Variants in ZNF318 observed in about 807,000 individuals in gnomAD.
ZNF318 encodes zinc finger protein 318.
Under a neutral mutation model 124.2 loss-of-function variants are expected in ZNF318, and 51 were observed. The ratio of observed to expected loss-of-function variants is 0.41; its 90% CI spans 0.33 to 0.52. The LOEUF is 0.52. Ranked by LOEUF, ZNF318 falls within the 20% of genes least tolerant of loss-of-function variation. ZNF318 has a pLI of 0.23. For missense variants in ZNF318, 2,815 were observed against 2,811.2 expected (o/e 1.00, Z -0.03); for synonymous variants, 1,090 against 1,040.7 (o/e 1.05, Z -0.91).
chr6:43,355,357 T>A lies in ZNF318; in HGVS notation c.1977A>T (p.Ser659=), dbSNP rs202137254. 6.4e-5 allele frequency: 103 copies of A among 1,614,002 alleles called. 1 individual carries two copies. The highest frequency in any genetic ancestry group is 2.2e-4 in the Admixed American group (13 of 59,994). Residue 659 remains serine, a synonymous_variant, in exon 4 of 10, where the codon TCA becomes TCT. Coordinates refer to ENST00000361428, the MANE Select transcript of ZNF318 (RefSeq NM_014345.3). The stretch of plus-strand genomic sequence containing the variant: ...GATCAGCTGAGAAGCAGTGGTCAAC[T>A]GAGGAACAGCGGTCAGCTGAGAAGC... ...DHRFSADRCS[S]VDHCFSADRR...
In ZNF318 at chr6:43,355,531, C is replaced by CA; in HGVS notation, c.1802dup (p.Asp602GlyfsTer8). ...GACTAATCTCTGCTACTCCAATATC[C>CA]AGCCCTATTGTCTTGAGCAAGTCAT... is the stretch of plus-strand genomic sequence containing the variant. On this transcript the variant is annotated frameshift_variant, in exon 4 of 10. Coordinates refer to ENST00000361428, the MANE Select transcript of ZNF318 (RefSeq NM_014345.3). LOFTEE classifies it high-confidence loss of function. The CA allele has an allele frequency of 6.2e-7, 1 of 1,614,198 alleles. No individual in the cohort carries two copies. Among genetic ancestry groups the CA allele is most frequent in the Non-Finnish European group, 8.5e-7 (1 of 1,180,046 alleles).
In ZNF318 at chr6:43,338,799, A is replaced by G; in HGVS notation, c.5199T>C (p.Pro1733=). ...EPGPPGVEPP[P]QLLDIQCKES... Reference sequence around the variant, plus strand: ...CTTTGCACTGTATATCTAACAGTTGAGGAGGTGGTTCTACACCAGGTGGTC... The same window carrying G: ...CTTTGCACTGTATATCTAACAGTTGGGGAGGTGGTTCTACACCAGGTGGTC... The change falls in exon 10 of 10, where the codon CCT becomes CCC. Residue 1733 remains proline (P), a synonymous_variant. Transcript: ENST00000361428. 1 of 1,614,092 alleles carries G rather than the reference A, an allele frequency of 6.2e-7. No homozygotes were observed. Among genetic ancestry groups the G allele is most frequent in the Non-Finnish European group, 8.5e-7 (1 of 1,180,030 alleles).
At chr6:43,343,825 CTCAAAAAA>C (rs1159734322) in intron 6 of ZNF318, among the ~76,000 whole-genome samples, 1 of 34,466 alleles carries the variant, frequency 2.9e-5, no homozygotes, top group African/African-American at 1.3e-4. Context: ...GAGACCCTGT[CTCAAAAAA>C]AAAAAAAAAA....
chr6:43,359,729 G>C lies in ZNF318; in HGVS notation c.549-1964C>G, dbSNP rs986501044. ...CAGCCTGCCTTTGATCAAAGTTGTA[G>C]ACCTAGGAATAAATTTATGAAAGGT... On this transcript the variant is annotated intron_variant, in intron 2 of 9. Coordinates refer to ENST00000361428, the MANE Select transcript of ZNF318 (RefSeq NM_014345.3). 2.6e-5 allele frequency among the ~76,000 whole-genome samples: 4 copies of C among 152,050 alleles called. No homozygotes were observed. The East Asian group carries it at 7.7e-4, about 29-fold the overall frequency.
chr6:43,362,574 T>A, intron 2 of ZNF318, among the ~76,000 whole-genome samples: 1 of 111,886 alleles, frequency 8.9e-6, no homozygotes, highest in African/African-American at 3.4e-5. Flanking sequence ...AGTGGCACAA[T>A]CTGGGCTCAC....
In ZNF318 at chr6:43,354,852, C is replaced by T; in HGVS notation, c.2482G>A (p.Ala828Thr). 1.2e-6 allele frequency: 2 copies of T among 1,614,114 alleles called. No individual in the cohort carries two copies. Among genetic ancestry groups the T allele is most frequent in the South Asian group, 2.2e-5 (2 of 91,088 alleles). ...CGAAGATTGGGACGGCTACGAGTAG[C>T]TTGTTTGGTTATTGGCATTATCCTG... is the stretch of plus-strand genomic sequence containing the variant. ...PHRIMPITKQ[A>T]TRSRPNLRVI... The change falls in exon 4 of 10, where the codon GCT becomes ACT. Residue 828 changes from alanine to threonine, a missense_variant. Physicochemically the swap from Ala to Thr is moderately conservative, Grantham distance 58. Transcript: ENST00000361428.
chr6:43,346,195 A>G (rs1779439858), intron 6 of ZNF318, among the ~76,000 whole-genome samples: 1 of 150,016 alleles, frequency 6.7e-6, no homozygotes, highest in Admixed American at 6.6e-5. Context: ...AAAAAAAAAA[A>G]AAAAAAAAAA....
Position 43,344,962 on chromosome 6 carries a change from C to T in ZNF318, c.3073-2083G>A, listed in dbSNP as rs188743969. On this transcript the variant is annotated intron_variant, in intron 6 of 9. Coordinates refer to ENST00000361428, the MANE Select transcript of ZNF318 (RefSeq NM_014345.3). ...ACCAAGGTATTAATAACAGTGGTCT[C>T]GGCTGGGCCCAGTGGCTCATGCCTG... Among the ~76,000 whole-genome samples the T allele has an allele frequency of 1.6e-4, 24 of 152,026 alleles. No homozygotes were observed. The East Asian group carries it at 3.1e-3, about 20-fold the overall frequency.
chr6:43,352,793 T>C (rs776184255), intron 4 of ZNF318, among the ~76,000 whole-genome samples: 2 of 152,248 alleles, frequency 1.3e-5, no homozygotes, highest in African/African-American at 4.8e-5. Context: ...ATATGTGTTA[T>C]AGGTAAGGGA....
At chr6:43,342,006 G>A (rs911582904) in intron 8 of ZNF318, 106 bp downstream of exon 8, 5 of 960,348 alleles carry the variant, frequency 5.2e-6, no homozygotes, top group Non-Finnish European at 8.3e-6. Flanking sequence ...TTTGTTAAAA[G>A]GAATGGCTGT....
In ZNF318 at chr6:43,340,943, C is replaced by T. The variant is rs1448364891; in HGVS notation, c.3377-35G>A. On this transcript the variant is annotated intron_variant, in intron 8 of 9. Transcript: ENST00000361428. ...GTAGAAAAAAGTCAAGGAAATAAGT[C>T]GATTCCACCCAGAATGACAGCAACC... The T allele has an allele frequency of 8.8e-6, 13 of 1,474,702 alleles. No homozygotes were observed. In the East Asian group the frequency reaches 1.1e-4, roughly 13 times the overall value. The allele number at this position is 1,474,702 out of a possible 1,614,324, so 91.4% of individuals were successfully genotyped here.
chr6:43,338,022 T>A lies in ZNF318; in HGVS notation c.5976A>T (p.Thr1992=). The A allele has an allele frequency of 6.2e-7, 1 of 1,614,214 alleles. No homozygotes were observed. The highest frequency in any genetic ancestry group is 8.5e-7 in the Non-Finnish European group (1 of 1,180,040). The change falls in exon 10 of 10, where the codon ACA becomes ACT. Residue 1992 remains threonine (T), a synonymous_variant. Coordinates refer to ENST00000361428, the MANE Select transcript of ZNF318 (RefSeq NM_014345.3). The part of the protein sequence containing the change: ...LQDVHPELTV[T]IESKALEDFE... ...AGTCTTCTAGGGCCTTGCTTTCTAT[T>A]GTCACTGTTAACTCTGGATGGACAT...
At chr6:43,351,384 T>C (rs1011296577) in intron 5 of ZNF318, among the ~76,000 whole-genome samples, 4 of 152,212 alleles carry the variant, frequency 2.6e-5, no homozygotes, top group Admixed American at 6.5e-5. Flanking sequence ...GATAAGTGTA[T>C]TAAAGTTATG....
intron 2 of ZNF318, among the ~76,000 whole-genome samples, chr6:43,365,001 C>G (rs545075955): frequency 6.6e-6 from 1 of 152,292 alleles, no homozygotes; most frequent in South Asian, 2.1e-4. Context: ...CTCAACTGTT[C>G]TTCATTTGGG....
Position 43,357,644 on chromosome 6 carries a change from AG to A in ZNF318, c.669del (p.Tyr224ThrfsTer57). The A allele has an allele frequency of 6.2e-7, 1 of 1,614,120 alleles. No individual in the cohort carries two copies. ...TGCAGGAAAGTTTCTTTTGTTCGGT[AG>A]TCCTCATCAAGTTGTCCCAAGAAGG... ...LSPFLGQLDE[D>X]YRTKETFLHR... On this transcript the variant is annotated frameshift_variant, in exon 3 of 10. Transcript: ENST00000361428. LOFTEE classifies it high-confidence loss of function.
In ZNF318 at chr6:43,369,139, C is replaced by G. The variant is rs1779801299; in HGVS notation, c.227G>C (p.Arg76Pro). ...RRASPSPPRG[R>P]RVSPSPPRAR... Reference sequence around the variant, plus strand: ...CCGAGGCGGGGACGGGGAGACGCGACGACCCCGTGGCGGGGACGGCGAGGC... The same window carrying G: ...CCGAGGCGGGGACGGGGAGACGCGAGGACCCCGTGGCGGGGACGGCGAGGC... The change falls in exon 1 of 10, where the codon CGT (arginine) becomes CCT (proline). Residue 76 changes from arginine to proline, a missense_variant. Physicochemically the swap from Arg to Pro is moderately radical, Grantham distance 103 (BLOSUM62 -2). Transcript: ENST00000361428. 1 of 1,227,546 alleles carries G rather than the reference C, an allele frequency of 8.1e-7. No homozygotes were observed. Among genetic ancestry groups the G allele is most frequent in the Non-Finnish European group, 1.0e-6 (1 of 985,354 alleles). 76.0% of individuals were successfully genotyped at this position (1,227,546 alleles called of 1,614,324 possible).
At position 43,355,767 on chromosome 6, in the gene ZNF318, T is replaced by C. The variant is rs1469778208; in HGVS notation, c.1567A>G (p.Lys523Glu). 2 of 1,614,252 alleles carry C rather than the reference T, an allele frequency of 1.2e-6. No homozygotes were observed. Among genetic ancestry groups the C allele is most frequent in the Middle Eastern group, 1.6e-4 (1 of 6,062 alleles). Reference protein sequence around the residue: ...MLADSTSTQEKRRRSFPDIED... With the variant: ...MLADSTSTQEERRRSFPDIED... Reference sequence around the variant, plus strand: ...ATGTCGGGAAAGCTACGTCGCCTTTTTTCCTGTGTACTGGTAGAATCAGCC... The same window carrying C: ...ATGTCGGGAAAGCTACGTCGCCTTTCTTCCTGTGTACTGGTAGAATCAGCC... The change falls in exon 4 of 10, where the codon AAA becomes GAA. Residue 523 changes from lysine (K) to glutamate (E), a missense_variant. Coordinates refer to ENST00000361428, the MANE Select transcript of ZNF318 (RefSeq NM_014345.3).
intron 5 of ZNF318, among the ~76,000 whole-genome samples, chr6:43,350,283 T>C (rs1388308646): frequency 2.0e-5 from 3 of 151,814 alleles, no homozygotes; most frequent in African/African-American, 7.3e-5. Flanking sequence ...AAAAAGAAAG[T>C]ACTCAAAAAC....
chr6:43,349,240 A>C (rs1167442053), intron 5 of ZNF318, among the ~76,000 whole-genome samples: 1 of 152,218 alleles, frequency 6.6e-6, no homozygotes, highest in East Asian at 1.9e-4. Context: ...CAAAAACATT[A>C]ATAAGTGTTG....
Sources: allele counts gnomAD v4.1 joint callset (sites outside exome capture counted in the v4.1 genomes callset), GRCh38; gene constraint gnomAD v4.1.1; transcripts MANE v1.5; gene names NCBI Gene and HGNC (gene_info 2026-07-23, HGNC 2026-07-21).